Variants in SYTL5 observed in about 807,000 individuals in gnomAD.
SYTL5 encodes synaptotagmin like 5.
In SYTL5, 34 loss-of-function variants were observed where a neutral mutation model predicts 55.9. The observed-to-expected ratio is 0.61, with a 90% CI of 0.46 to 0.81. SYTL5 has a LOEUF of 0.81. SYTL5 is among the 30% of genes least tolerant of loss of function. SYTL5 has a pLI of 0.00. For missense variants in SYTL5, 637 were observed against 546.7 expected (o/e 1.17, Z -1.65); for synonymous variants, 221 against 188.7 (o/e 1.17, Z -1.40).
chrX:37,944,601 G>T, the SYTL5 span, among the ~76,000 whole-genome samples: 1 of 111,293 alleles, frequency 9.0e-6, no homozygotes, highest in African/African-American at 3.3e-5. Flanking sequence ...AAAATGGAGG[G>T]TCATTCCATG....
chrX:38,045,271 T>G (rs1413112948), intron 2 of SYTL5, among the ~76,000 whole-genome samples: 1 of 112,246 alleles, frequency 8.9e-6, no homozygotes, highest in Non-Finnish European at 1.9e-5. Context: ...AATGCTTGAG[T>G]CATTGTCCCT....
At position 38,072,313 on chromosome X, in the gene SYTL5, G is replaced by A. The variant is rs868726174; in HGVS notation, c.445+151G>A. 4.7e-5 allele frequency: 19 copies of A among 408,280 alleles called. No homozygotes were observed. In the Admixed American group the frequency reaches 6.1e-4, roughly 13 times the overall value. 33.6% of individuals were successfully genotyped at this position (408,280 alleles called of 1,213,427 possible). A position where few individuals can be genotyped will look rare whatever the true frequency, so the allele number is the denominator to read the frequency against. ...ACTTGGTAGCATGAAATCTAGATACGTAATTCATACAAGACAAGAAGAAGT... is the reference window on the plus strand; with the variant it reads ...ACTTGGTAGCATGAAATCTAGATACATAATTCATACAAGACAAGAAGAAGT... On this transcript the variant is annotated intron_variant, in intron 4 of 16. Coordinates refer to ENST00000297875, the MANE Select transcript of SYTL5 (RefSeq NM_138780.3).
At chrX:38,104,572 G>A (rs1387377439) in intron 10 of SYTL5, among the ~76,000 whole-genome samples, 1 of 111,959 alleles carries the variant, frequency 8.9e-6, no homozygotes, top group Non-Finnish European at 1.9e-5. Flanking sequence ...AAGCTTAGAA[G>A]ACATGTGACC....
chrX:37,943,451 A>G, the SYTL5 span, among the ~76,000 whole-genome samples: 4 of 111,363 alleles, frequency 3.6e-5, no homozygotes, highest in African/African-American at 1.3e-4. Flanking sequence ...ATTTACAACC[A>G]AGGAGCAGGT....
the SYTL5 span, among the ~76,000 whole-genome samples, chrX:37,917,618 A>T: frequency 5.3e-5 from 6 of 112,585 alleles, no homozygotes; most frequent in Non-Finnish European, 7.5e-5. Flanking sequence ...ATTCAGTAAC[A>T]TTAAAAAATT....
chrX:38,104,442 A>G (rs757053341), intron 10 of SYTL5, among the ~76,000 whole-genome samples: 1 of 111,979 alleles, frequency 8.9e-6, no homozygotes, highest in Non-Finnish European at 1.9e-5. Context: ...CCTGCTAAAC[A>G]TGAAAATTCT....
In SYTL5 at chrX:38,106,617, G is replaced by A. The variant is rs147313343; in HGVS notation, c.1180G>A (p.Val394Ile). Reference protein sequence around the residue: ...STTSLNSMMSVYSETGDYGNV... With the variant: ...STTSLNSMMSIYSETGDYGNV... ...GACCAGCCTTAACAGCATGATGAGC[G>A]TTTACAGTGAAACGGGAGACTATGG... The change falls in exon 11 of 17, where the codon GTT (valine) becomes ATT (isoleucine). Residue 394 changes from valine (V) to isoleucine (I), a missense_variant. Physicochemically the swap from Val to Ile is conservative, Grantham distance 29 (BLOSUM62 3). Transcript: ENST00000297875. The A allele has an allele frequency of 7.4e-5, 89 of 1,204,010 alleles. No homozygotes were observed. The East Asian group carries it at 2.1e-3, about 29-fold the overall frequency.
rs183940059 is a variant in SYTL5, at chrX:38,029,347, A to G, written c.-356-4187A>G. ...TTCCTATGACTTCTTATAATATTTT[A>G]CCAAAAACGCATTTCAGTTTCTTTA... On this transcript the variant is annotated intron_variant, in intron 1 of 16. Coordinates refer to ENST00000297875, the MANE Select transcript of SYTL5 (RefSeq NM_138780.3). Among the ~76,000 whole-genome samples the G allele has an allele frequency of 5.9e-4, 66 of 112,504 alleles. No individual in the cohort carries two copies. In the East Asian group the frequency reaches 0.014, roughly 25 times the overall value.
chrX:37,922,783 C>G, the SYTL5 span, among the ~76,000 whole-genome samples: 1 of 111,156 alleles, frequency 9.0e-6, no homozygotes, highest in Non-Finnish European at 1.9e-5. Flanking sequence ...ATTGAGGAAC[C>G]CTGGGTATTT....
upstream of SYTL5, among the ~76,000 whole-genome samples, chrX:38,006,078 G>C (rs769765114): frequency 8.9e-6 from 1 of 112,010 alleles, no homozygotes; most frequent in Non-Finnish European, 1.9e-5. Flanking sequence ...TGGAGTGCCT[G>C]GATTTAACTT....
intron 6 of SYTL5, among the ~76,000 whole-genome samples, chrX:38,083,575 T>A (rs1180287599): frequency 3.6e-5 from 4 of 111,253 alleles, no homozygotes; most frequent in Non-Finnish European, 7.5e-5. Context: ...GCCAGTGGCT[T>A]CAGGGGACAT....
At chrX:38,070,408 G>A (rs1298489646) in intron 3 of SYTL5, among the ~76,000 whole-genome samples, 1 of 110,478 alleles carries the variant, frequency 9.1e-6, no homozygotes. Context: ...TTCTCAGTGG[G>A]CCAAGTGTAT....
chrX:37,943,570 T>C, the SYTL5 span, among the ~76,000 whole-genome samples: 1 of 111,388 alleles, frequency 9.0e-6, no homozygotes, highest in Non-Finnish European at 1.9e-5. Flanking sequence ...GGTGATTTGA[T>C]ATCGAGGATG....
the SYTL5 span, chrX:37,991,123 C>A: frequency 1.7e-6 from 2 of 1,211,400 alleles, no homozygotes; most frequent in Non-Finnish European, 2.2e-6. Context: ...AACCGTGAGC[C>A]CCACAGCGCT....
At chrX:37,897,534 T>A in the SYTL5 span, among the ~76,000 whole-genome samples, 1 of 108,006 alleles carries the variant, frequency 9.3e-6, no homozygotes, top group South Asian at 4.1e-4. Context: ...AGGGGCCAAA[T>A]ACATGTCTCA....
chrX:38,115,440 C>T (rs952904448), intron 13 of SYTL5, among the ~76,000 whole-genome samples: 4 of 86,597 alleles, frequency 4.6e-5, no homozygotes, highest in African/African-American at 1.9e-4. Context: ...GCCGAGATCG[C>T]GCCACTGCAC....
At chrX:37,940,604 G>A in the SYTL5 span, among the ~76,000 whole-genome samples, 14 of 94,851 alleles carry the variant, frequency 1.5e-4, no homozygotes, top group African/African-American at 5.2e-4. Flanking sequence ...AGGTGTGTAT[G>A]TATATATATA....
chrX:38,066,537 T>C (rs1936105556), intron 3 of SYTL5, among the ~76,000 whole-genome samples: 1 of 111,671 alleles, frequency 9.0e-6, no homozygotes, highest in African/African-American at 3.3e-5. Flanking sequence ...GTTTTTCAAA[T>C]ACTAGATTGA....
the SYTL5 span, among the ~76,000 whole-genome samples, chrX:37,985,588 T>C: frequency 4.5e-5 from 5 of 110,099 alleles, no homozygotes; most frequent in South Asian, 1.5e-3. Flanking sequence ...TATTGTCAGA[T>C]TGGCAATATT....
Sources: allele counts gnomAD v4.1 joint callset (sites outside exome capture counted in the v4.1 genomes callset), GRCh38; gene constraint gnomAD v4.1.1; transcripts MANE v1.5; gene names NCBI Gene and HGNC (gene_info 2026-07-23, HGNC 2026-07-21).